The following DAPK2 variants were observed in gnomAD, a reference collection of about 807,000 sequenced individuals.
The protein encoded by DAPK2 is death associated protein kinase 2.
In DAPK2, 35 loss-of-function variants were observed where a neutral mutation model predicts 44.1. The observed-to-expected ratio is 0.79, with a 90% confidence interval of 0.61 to 1.05. The LOEUF (loss-of-function observed/expected upper bound fraction) is 1.05. Among genes scored for constraint, DAPK2 ranks in the 50% least tolerant of loss-of-function variants. The pLI is 0.00. For synonymous variants in DAPK2, 174 were observed against 182.6 expected, an observed-to-expected ratio of 0.95 and a Z score of 0.38; for missense variants, 453 against 483.2, an observed-to-expected ratio of 0.94 and a Z score of 0.59.
At chr15:63,975,604 C>CT (rs11418947) in intron 2 of DAPK2, among the ~76,000 whole-genome samples, 82,972 of 146,368 alleles carry the variant, frequency 0.57, 23,808 homozygotes, top group East Asian at 0.95. Context: ...CTTTTCTTTT[C>CT]TTTTTTTTTT....
chr15:64,024,054 C>T (rs1202775414), intron 1 of DAPK2, among the ~76,000 whole-genome samples: 1 of 152,152 alleles, frequency 6.6e-6, no homozygotes, highest in Non-Finnish European at 1.5e-5. Context: ...AGATTTGGGG[C>T]CTAGGCTGGG....
intron 3 of DAPK2, among the ~76,000 whole-genome samples, chr15:63,950,752 T>C (rs895603886): frequency 2.0e-5 from 3 of 152,212 alleles, no homozygotes; most frequent in Non-Finnish European, 4.4e-5. Context: ...CTTAATACTG[T>C]GTAATCTTGG....
intron 3 of DAPK2, among the ~76,000 whole-genome samples, chr15:63,957,259 G>A (rs1264201125): frequency 6.6e-6 from 1 of 152,050 alleles, no homozygotes; most frequent in African/African-American, 2.4e-5. Context: ...GTTTCCATTG[G>A]CCTGGAAAAT....
chr15:64,045,724 A>G (rs980856674), intron 1 of DAPK2, among the ~76,000 whole-genome samples: 1 of 152,218 alleles, frequency 6.6e-6, no homozygotes, highest in Admixed American at 6.5e-5. Flanking sequence ...GTCCTAGTCA[A>G]CTGTTGGCAA....
rs375468435 is a variant in DAPK2, at chr15:63,930,473, A to G, written c.584-18T>C. On this transcript the variant is annotated intron_variant, in intron 4 of 10. Transcript: ENST00000261891. ...TTCTGGAGCTGAAAGAAGTCATATT[A>G]AATAGTCAACATGAGTGTGAAAATG... is the stretch of plus-strand genomic sequence containing the variant. 47 of 1,613,290 alleles carry G rather than the reference A, an allele frequency of 2.9e-5. No homozygotes were observed. The highest frequency in any genetic ancestry group is 3.8e-5 in the Non-Finnish European group (45 of 1,179,338).
At chr15:63,936,897 T>C (rs768404743) in intron 4 of DAPK2, among the ~76,000 whole-genome samples, 1 of 150,908 alleles carries the variant, frequency 6.6e-6, no homozygotes, top group Non-Finnish European at 1.5e-5. Context: ...GGAGGATTAC[T>C]TGAGCCCAGG....
intron 1 of DAPK2, among the ~76,000 whole-genome samples, chr15:64,039,413 T>G (rs1208071215): frequency 1.3e-5 from 2 of 152,184 alleles, no homozygotes; most frequent in Admixed American, 6.5e-5. Flanking sequence ...TTTGGGCAAC[T>G]TGCCCAAACG....
intron 8 of DAPK2, among the ~76,000 whole-genome samples, chr15:63,924,031 C>A (rs894615583): frequency 2.0e-5 from 3 of 152,136 alleles, no homozygotes; most frequent in African/African-American, 7.2e-5. Context: ...TCATTTCATC[C>A]TTGCTGGCCT....
chr15:63,911,604 G>A (rs1567197032), intron 10 of DAPK2: 3 of 414,788 alleles, frequency 7.2e-6, no homozygotes, highest in Admixed American at 3.9e-5. Flanking sequence ...AATACATTTT[G>A]GGTTGTCTGT....
intron 8 of DAPK2, chr15:63,919,202 C>T (rs2079007316): frequency 6.6e-6 from 1 of 152,226 alleles, no homozygotes; most frequent in African/African-American, 2.4e-5. Context: ...AACTCTCTTT[C>T]ATTTGTCTTT....
At chr15:63,972,372 T>C (rs925863651) in intron 2 of DAPK2, among the ~76,000 whole-genome samples, 1 of 152,160 alleles carries the variant, frequency 6.6e-6, no homozygotes, top group Non-Finnish European at 1.5e-5. Context: ...TACATTGCCA[T>C]GAATGAATGG....
At chr15:63,946,422 C>T (rs1296458670) in intron 3 of DAPK2, among the ~76,000 whole-genome samples, 1 of 152,248 alleles carries the variant, frequency 6.6e-6, no homozygotes, top group Non-Finnish European at 1.5e-5. Flanking sequence ...ACTGGACAGA[C>T]ACTGGAGCTC....
At chr15:63,995,310 C>T (rs2078924877) in intron 1 of DAPK2, among the ~76,000 whole-genome samples, 1 of 152,120 alleles carries the variant, frequency 6.6e-6, no homozygotes, top group African/African-American at 2.4e-5. Flanking sequence ...CCACCACACC[C>T]GGCTATTCCT....
At chr15:63,994,586 CTTTTTTTT>C (rs11346004) in intron 1 of DAPK2, among the ~76,000 whole-genome samples, 1 of 93,300 alleles carries the variant, frequency 1.1e-5, no homozygotes, top group East Asian at 3.0e-4. Context: ...ATCTTTTTTA[CTTTTTTTT>C]TTTTTTTTTT....
chr15:63,959,960 T>C (rs979757076), intron 3 of DAPK2, among the ~76,000 whole-genome samples: 2 of 152,250 alleles, frequency 1.3e-5, no homozygotes, highest in Non-Finnish European at 2.9e-5. Flanking sequence ...TCTGGTAGAA[T>C]TCGGCTGTGA....
intron 1 of DAPK2, among the ~76,000 whole-genome samples, chr15:64,026,157 C>T (rs1256752597): frequency 2.0e-5 from 3 of 152,142 alleles, no homozygotes; most frequent in East Asian, 1.9e-4. Context: ...TGGAAGCTGC[C>T]GGGGTCTCAC....
At chr15:64,034,204 T>C (rs1291793615) in intron 1 of DAPK2, among the ~76,000 whole-genome samples, 1 of 47,298 alleles carries the variant, frequency 2.1e-5, no homozygotes, top group Non-Finnish European at 5.5e-5. Flanking sequence ...TAGACTGGGC[T>C]ATTGAACCAG....
chr15:64,014,729 G>C (rs1595892582), intron 1 of DAPK2, among the ~76,000 whole-genome samples: 2 of 152,136 alleles, frequency 1.3e-5, no homozygotes, highest in South Asian at 4.1e-4. Flanking sequence ...AGACCAGCCT[G>C]GTCAACATAG....
chr15:63,934,521 T>G (rs1366579580), intron 4 of DAPK2, among the ~76,000 whole-genome samples: 1 of 151,912 alleles, frequency 6.6e-6, no homozygotes, highest in East Asian at 1.9e-4. Context: ...CCTCCCAAAG[T>G]GCTGAGATTA....
Sources: gnomAD v4.1 joint callset for allele counts (sites outside exome capture counted in the v4.1 genomes callset) on GRCh38, gnomAD v4.1.1 for gene constraint, MANE v1.5 for transcripts, NCBI Gene and HGNC (gene_info 2026-07-23, HGNC 2026-07-21) for gene names.